The following LYST variants were observed in gnomAD, a reference collection of about 807,000 sequenced individuals.
LYST encodes lysosomal-trafficking regulator.
Under a neutral mutation model 413.6 loss-of-function variants are expected in LYST, and 192 were observed. The ratio of observed to expected loss-of-function variants is 0.46; its 90% CI spans 0.41 to 0.52. The LOEUF is 0.52. Ranked by LOEUF, LYST falls within the 20% of genes least tolerant of loss-of-function variation. The probability of loss-of-function intolerance (pLI) is 0.00; values close to 1 mark genes in which losing one functional copy is unlikely to be tolerated. For missense variants in LYST, 3,815 were observed against 4,499.9 expected (o/e 0.85, Z 4.35); for synonymous variants, 1,525 against 1,567.3 (o/e 0.97, Z 0.64).
chr1:235,691,715 A>ATTTTT (rs1660671750), intron 47 of LYST, among the ~76,000 whole-genome samples: 1 of 43,220 alleles, frequency 2.3e-5, no homozygotes, highest in African/African-American at 2.1e-4. Flanking sequence ...TTTTTTTTTG[A>ATTTTT]GATGGAGTTT....
At chr1:235,795,402 T>C (rs1671452179) in intron 10 of LYST, among the ~76,000 whole-genome samples, 1 of 152,184 alleles carries the variant, frequency 6.6e-6, no homozygotes, top group South Asian at 2.1e-4. Flanking sequence ...GAGACTAAAA[T>C]AAAGTCTGAA....
At chr1:235,697,928 G>C (rs1384506362) in intron 45 of LYST, among the ~76,000 whole-genome samples, 2 of 152,188 alleles carry the variant, frequency 1.3e-5, no homozygotes, top group African/African-American at 2.4e-5. Flanking sequence ...GGGGAAGAAA[G>C]GTGAGTGAAG....
intron 38 of LYST, 92 bp from the exon 39 acceptor site, chr1:235,724,272 A>G (rs1663648938): frequency 8.3e-7 from 1 of 1,210,904 alleles, no homozygotes; most frequent in Non-Finnish European, 1.2e-6. Context: ...AAAATAAAAC[A>G]GAAAATCTTT....
intron 34 of LYST, among the ~76,000 whole-genome samples, chr1:235,732,712 A>G (rs1664488479): frequency 6.6e-6 from 1 of 152,186 alleles, no homozygotes; most frequent in South Asian, 2.1e-4. Flanking sequence ...AGCAATATTG[A>G]ATATTTTCCC....
chr1:235,746,601 T>G (rs1665951548), intron 28 of LYST, 74 bp from the exon 29 acceptor site: 1 of 1,162,220 alleles, frequency 8.6e-7, no homozygotes. Context: ...TTGCTGAAAT[T>G]TTTTGATTAC....
chr1:235,844,666 T>C (rs1677585874), intron 1 of LYST, among the ~76,000 whole-genome samples: 1 of 151,268 alleles, frequency 6.6e-6, no homozygotes, highest in Non-Finnish European at 1.5e-5. Context: ...TACATACACC[T>C]GGAAACAAGA....
In LYST at chr1:235,859,054, A is replaced by T. The variant is rs1243986449; in HGVS notation, c.-98+7789T>A. Among the ~76,000 whole-genome samples, 4 of 152,184 alleles carry T rather than the reference A, an allele frequency of 2.6e-5. No individual in the cohort carries two copies. In the East Asian group the frequency reaches 7.7e-4, roughly 29 times the overall value. Reference sequence around the variant, plus strand: ...TTTCCCCTCAAGCATACTCCAACCCATGTTCTTCCTTCTCAATCTCAGCAG... The same window carrying T: ...TTTCCCCTCAAGCATACTCCAACCCTTGTTCTTCCTTCTCAATCTCAGCAG... On this transcript the variant is annotated intron_variant, in intron 1 of 52. Transcript: ENST00000389793.
At chr1:235,745,114 T>C (rs938760997) in intron 29 of LYST, among the ~76,000 whole-genome samples, 4 of 152,162 alleles carry the variant, frequency 2.6e-5, no homozygotes, top group Non-Finnish European at 4.4e-5. Flanking sequence ...AATTGACAAA[T>C]AGAAATTGTA....
In LYST at chr1:235,828,388, C is replaced by T. The variant is rs551606798; in HGVS notation, c.192+1838G>A. 3.1e-4 allele frequency: 48 copies of T among 153,830 alleles called. 2 individuals carry two copies. In the South Asian group the frequency reaches 4.5e-3, roughly 15 times the overall value. 9.5% of individuals were successfully genotyped at this position (153,830 alleles called of 1,614,324 possible). A position where few individuals can be genotyped will look rare whatever the true frequency, so the allele number is the denominator to read the frequency against. On this transcript the variant is annotated intron_variant, in intron 3 of 52. Transcript: ENST00000389793. Reference sequence around the variant, plus strand: ...TTACCTGTGACTACACTAAAAGCCACTGAATTGTACACATAAAATGGGTGA... The same window carrying T: ...TTACCTGTGACTACACTAAAAGCCATTGAATTGTACACATAAAATGGGTGA...
chr1:235,754,018 A>G (rs1666741261), intron 25 of LYST, among the ~76,000 whole-genome samples: 1 of 151,974 alleles, frequency 6.6e-6, no homozygotes, highest in Non-Finnish European at 1.5e-5. Context: ...TGGGAGAAAA[A>G]TATTCTTTTA....
chr1:235,804,585 C>A lies in LYST; in HGVS notation c.3474G>T (p.Lys1158Asn). Residue 1158 changes from lysine to asparagine, a missense_variant, in exon 7 of 53, where the codon AAG becomes AAT. Lys to Asn is a moderately conservative substitution (Grantham distance 94). Transcript: ENST00000389793. The part of the protein sequence containing the change: ...QSKVIETQLA[K>N]PLFDALLRVA... ...CTCGAAGCAGGGCATCAAATAAAGG[C>A]TTTGCTAGTTGTGTTTCAATCACCT... 6.2e-7 allele frequency: 1 copy of A among 1,611,696 alleles called. No individual in the cohort carries two copies. Among genetic ancestry groups the A allele is most frequent in the South Asian group, 1.1e-5 (1 of 91,034 alleles).
intron 28 of LYST, among the ~76,000 whole-genome samples, chr1:235,748,424 G>C (rs1398581475): frequency 6.6e-6 from 1 of 151,848 alleles, no homozygotes; most frequent in Admixed American, 6.6e-5. Flanking sequence ...AGTTACAGAA[G>C]ATTATCCACA....
At position 235,787,202 on chromosome 1, in the gene LYST, C is replaced by T; in HGVS notation, c.4860G>A (p.Gln1620=). ...CATTTTCTCAAAATGCTTCCTACCTCTGTCCAGAGACCCATATGGAGATTT... is the reference window on the plus strand; with the variant it reads ...CATTTTCTCAAAATGCTTCCTACCTTTGTCCAGAGACCCATATGGAGATTT... ...HGKISIWVSG[Q]RKPDVTLDFM... Residue 1620 remains glutamine, a splice_region_variant and synonymous_variant, in exon 14 of 53, where the codon CAG becomes CAA. Coordinates refer to ENST00000389793, the MANE Select transcript of LYST (RefSeq NM_000081.4). The T allele has an allele frequency of 1.9e-6, 3 of 1,612,928 alleles. No individual in the cohort carries two copies. In the African/African-American group the frequency reaches 4.0e-5, roughly 22 times the overall value.
chr1:235,762,636 C>G, intron 22 of LYST, 84 bp downstream of exon 22: 2 of 1,392,160 alleles, frequency 1.4e-6, no homozygotes, highest in Non-Finnish European at 2.0e-6. Flanking sequence ...ACTACATATA[C>G]TTCTAAAATA....
chr1:235,823,451 T>C (rs2102964446), intron 3 of LYST, among the ~76,000 whole-genome samples: 1 of 152,386 alleles, frequency 6.6e-6, no homozygotes, highest in East Asian at 1.9e-4. Flanking sequence ...TTGCCAATTT[T>C]ACCATTAACT....
At chr1:235,859,577 TGAA>T (rs1195666761) in intron 1 of LYST, among the ~76,000 whole-genome samples, 2 of 151,152 alleles carry the variant, frequency 1.3e-5, no homozygotes, top group African/African-American at 4.9e-5. Flanking sequence ...TCCACCAAAC[TGAA>T]GAAAACTGAT....
chr1:235,732,209 T>C (rs1385188832), intron 34 of LYST, among the ~76,000 whole-genome samples: 1 of 152,218 alleles, frequency 6.6e-6, no homozygotes, highest in Non-Finnish European at 1.5e-5. Flanking sequence ...GGTAGATGCA[T>C]TGTAATGTAT....
chr1:235,672,194 T>C (rs372628149), intron 50 of LYST, among the ~76,000 whole-genome samples: 2 of 152,224 alleles, frequency 1.3e-5, no homozygotes, highest in African/African-American at 4.8e-5. Flanking sequence ...TTGAAAATGC[T>C]GTGTAGGCAA....
intron 44 of LYST, among the ~76,000 whole-genome samples, chr1:235,705,623 C>T (rs1157997815): frequency 1.3e-5 from 2 of 151,660 alleles, no homozygotes; most frequent in East Asian, 1.9e-4. Flanking sequence ...TGGCCTCAAG[C>T]GATCATCCTG....
Sources: allele counts gnomAD v4.1 joint callset (sites outside exome capture counted in the v4.1 genomes callset), GRCh38; gene constraint gnomAD v4.1.1; transcripts MANE v1.5; gene names NCBI Gene and HGNC (gene_info 2026-07-23, HGNC 2026-07-21).